ATXN7L3: variants seen among roughly 807,000 people sequenced by gnomAD.
ATXN7L3 encodes the protein ataxin 7 like 3.
ATXN7L3 carries 6 observed loss-of-function variants against 50.0 expected under a neutral mutation model. The ratio of observed to expected loss-of-function variants is 0.12; its 90% CI spans 0.07 to 0.24. The LOEUF (loss-of-function observed/expected upper bound fraction) is 0.24, where lower values mean the gene tolerates loss of function less well. Ranked by LOEUF, ATXN7L3 falls within the 10% of genes least tolerant of loss-of-function variation. The probability of loss-of-function intolerance (pLI) is 1.00; values close to 1 mark genes in which losing one functional copy is unlikely to be tolerated. For missense variants in ATXN7L3, 322 were observed against 451.3 expected (o/e 0.71, Z 2.60); for synonymous variants, 198 against 165.8 (o/e 1.19, Z -1.49).
Position 44,194,758 on chromosome 17 carries a change from G to T in ATXN7L3, c.737+10C>A. Reference sequence around the variant, plus strand: ...TCACAACCCCCCACCCTTCCTGTAGGGCCACTTACGCCGAGGGCCCGAGAA... The same window carrying T: ...TCACAACCCCCCACCCTTCCTGTAGTGCCACTTACGCCGAGGGCCCGAGAA... On this transcript the variant is annotated intron_variant, in intron 11 of 12. Transcript: ENST00000587097. 1 of 1,614,094 alleles carries T rather than the reference G, an allele frequency of 6.2e-7. No individual in the cohort carries two copies. Among genetic ancestry groups the T allele is most frequent in the Non-Finnish European group, 8.5e-7 (1 of 1,179,982 alleles).
rs2055865891 is a variant in ATXN7L3, at chr17:44,195,800, C to T, written c.552G>A (p.Lys184=). ...AGCATGAGGGGCGGCCCATACTCAC[C>T]TTAAAAGGATCCGAATTGCTAAGTT... ...NGELSNSDPF[K]YNNSTGISYE... is the part of the protein sequence containing the mutation. The change falls in exon 8 of 13, where the codon AAG becomes AAA. Residue 184 remains lysine, a splice_region_variant and synonymous_variant. Transcript: ENST00000587097. 2.5e-6 allele frequency: 4 copies of T among 1,609,458 alleles called. No individual in the cohort carries two copies. In the African/African-American group the frequency reaches 4.0e-5, roughly 16 times the overall value.
rs944868983 is a variant in ATXN7L3 at position 44,197,922 on chromosome 17, G to A, written c.51+98C>T. 34 of 1,534,242 alleles carry A rather than the reference G, an allele frequency of 2.2e-5. 1 individual carries two copies. The East Asian group carries it at 4.9e-4, about 22-fold the overall frequency. On this transcript the variant is annotated intron_variant, in intron 2 of 12. Coordinates refer to ENST00000587097, the MANE Select transcript of ATXN7L3 (RefSeq NM_001382309.1). Reference sequence around the variant, plus strand: ...GCTGGCTATTCCCTTTAAGGAACAAGGCTGACTACCCAAATTCCTCTTTGG... The same window carrying A: ...GCTGGCTATTCCCTTTAAGGAACAAAGCTGACTACCCAAATTCCTCTTTGG...
intron 6 of ATXN7L3, 138 bp from the exon 7 acceptor site, chr17:44,196,217 C>T (rs1456931415): frequency 1.1e-5 from 13 of 1,140,846 alleles, no homozygotes; most frequent in Non-Finnish European, 1.4e-5. Context: ...CCTGTCTACC[C>T]ATGTGCCCTC....
Position 44,194,116 on chromosome 17 carries a change from G to T in ATXN7L3, c.*147C>A. ...CAGAGGACTTTGACACCCCCCAGGG[G>T]CGCATAATCGGATCCTCTGCCTGCC... is the stretch of plus-strand genomic sequence containing the variant. On this transcript the variant is annotated 3_prime_UTR_variant, in exon 13 of 13. Transcript: ENST00000587097. 1 of 1,053,156 alleles carries T rather than the reference G, an allele frequency of 9.5e-7. No individual in the cohort carries two copies. The highest frequency in any genetic ancestry group is 1.4e-6 in the Non-Finnish European group (1 of 725,140). 65.2% of individuals were successfully genotyped at this position (1,053,156 alleles called of 1,614,324 possible).
intron 1 of ATXN7L3, chr17:44,199,191 G>A (rs2056046268): frequency 6.6e-6 from 1 of 151,400 alleles, no homozygotes; most frequent in African/African-American, 2.4e-5. Context: ...CGGCCGGGGA[G>A]AGGAGTCCGG....
chr17:44,194,861 G>C (rs1209266680), intron 10 of ATXN7L3, 22 bp from the exon 11 acceptor site: 2 of 1,613,132 alleles, frequency 1.2e-6, no homozygotes, highest in Admixed American at 3.3e-5. Context: ...GCAAGGCAGG[G>C]AGGGTTCTGA....
rs757647507 is a variant in ATXN7L3 at position 44,194,785 on chromosome 17, A to G, written c.720T>C (p.Tyr240=). Residue 240 remains tyrosine (Y), a synonymous_variant, in exon 11 of 13, where the codon TAT becomes TAC. Transcript: ENST00000587097. ...TDEQRRTVRI[Y]FLGPSAVLPE... ...CCACTTACGCCGAGGGCCCGAGAAA[A>G]TAAATCCGTACGGTTCGCCTCTGCT... 5 of 1,614,160 alleles carry G rather than the reference A, an allele frequency of 3.1e-6. No homozygotes were observed. In the Admixed American group the frequency reaches 5.0e-5, roughly 16 times the overall value.
At position 44,192,372 on chromosome 17, in the gene ATXN7L3, TCTC is replaced by T. The variant is rs2055720936; in HGVS notation, c.*1888_*1890del. On this transcript the variant is annotated 3_prime_UTR_variant, in exon 13 of 13. Coordinates refer to ENST00000587097, the MANE Select transcript of ATXN7L3 (RefSeq NM_001382309.1). ...ACCAGTTCCCAAGCTACTTCCCACT[TCTC>T]CCTCCTCCAACCAGAAGGGGGGAAA... 6.6e-6 allele frequency: 1 copy of T among 152,220 alleles called. No homozygotes were observed. 9.4% of individuals were successfully genotyped at this position (152,220 alleles called of 1,614,324 possible).
At position 44,194,581 on chromosome 17, in the gene ATXN7L3, G is replaced by A; in HGVS notation, c.831C>T (p.Ser277=). ...ALISRLQWDG[S]SDLSPSDSGS... is the part of the protein sequence containing the mutation. ...CTGAATCAGAGGGTGAGAGGTCAGA[G>A]GAGCCGTCCCACTGAAGCCGGCTGA... The change falls in exon 12 of 13, where the codon TCC becomes TCT. Residue 277 remains serine (S), a synonymous_variant. Coordinates refer to ENST00000587097, the MANE Select transcript of ATXN7L3 (RefSeq NM_001382309.1). 2.5e-6 allele frequency: 4 copies of A among 1,613,852 alleles called. No individual in the cohort carries two copies. The highest frequency in any genetic ancestry group is 3.4e-6 in the Non-Finnish European group (4 of 1,179,988).
Position 44,194,298 on chromosome 17 carries a change from G to C in ATXN7L3, c.1009C>G (p.Pro337Ala). The change falls in exon 13 of 13, where the codon CCC becomes GCC. Residue 337 changes from proline (P) to alanine (A), a missense_variant. Pro to Ala is a conservative substitution (Grantham distance 27). Coordinates refer to ENST00000587097, the MANE Select transcript of ATXN7L3 (RefSeq NM_001382309.1). Reference protein sequence around the residue: ...NKKKKPKPPAPPTPSIYDDIN With the variant: ...NKKKKPKPPAAPTPSIYDDIN ...TCATCATAGATGCTGGGCGTCGGGG[G>C]TGCCGGTGGCTTTGGCTTCTTCTTC... is the stretch of plus-strand genomic sequence containing the variant. The C allele has an allele frequency of 6.2e-7, 1 of 1,614,222 alleles. No individual in the cohort carries two copies.
At chr17:44,196,543 G>A (rs1485150637) in intron 5 of ATXN7L3, 125 bp from the exon 6 acceptor site, 2 of 1,191,004 alleles carry the variant, frequency 1.7e-6, no homozygotes, top group South Asian at 1.3e-5. Context: ...ACTTTGGGAG[G>A]CCCAGGCGGG....
At chr17:44,196,605 C>T (rs1487608684) in intron 5 of ATXN7L3, among the ~76,000 whole-genome samples, 187 bp from the exon 6 acceptor site, 2 of 151,656 alleles carry the variant, frequency 1.3e-5, no homozygotes, top group Non-Finnish European at 2.9e-5. Context: ...TGGTGAAACC[C>T]CATCTCTACT....
At chr17:44,195,397 T>C in intron 9 of ATXN7L3, 22 bp downstream of exon 9, 1 of 1,611,030 alleles carries the variant, frequency 6.2e-7, no homozygotes, top group Non-Finnish European at 8.5e-7. Flanking sequence ...AGGGACCTTC[T>C]CTCTTGCTGG....
At chr17:44,196,878 G>T in intron 5 of ATXN7L3, 51 bp downstream of exon 5, 1 of 1,372,620 alleles carries the variant, frequency 7.3e-7, no homozygotes, top group Non-Finnish European at 1.0e-6. Context: ...CCCAATTCCT[G>T]CTTCCCACCT....
In ATXN7L3 at chr17:44,196,377, T is replaced by C. The variant is rs1469529810; in HGVS notation, c.477+19A>G. The stretch of plus-strand genomic sequence containing the variant: ...TGTCCTTTACCCATTATTTCCCCAA[T>C]GCCTGGCCCGGCTCTCACCTTGTCT... On this transcript the variant is annotated intron_variant, in intron 6 of 12. Coordinates refer to ENST00000587097, the MANE Select transcript of ATXN7L3 (RefSeq NM_001382309.1). The C allele has an allele frequency of 1.2e-5, 19 of 1,613,872 alleles. 1 individual carries two copies. The highest frequency in any genetic ancestry group is 1.7e-4 in the Middle Eastern group (1 of 6,060).
Position 44,194,425 on chromosome 17 carries a change from G to A in ATXN7L3, c.896-14C>T. 6.2e-7 allele frequency: 1 copy of A among 1,613,992 alleles called. No individual in the cohort carries two copies. The highest frequency in any genetic ancestry group is 8.5e-7 in the Non-Finnish European group (1 of 1,179,988). ...AGCTGTTGGTACCTGTAGAGAAAGAGACACAAGGGATGAGAGTATGGTTAT... is the reference window on the plus strand; with the variant it reads ...AGCTGTTGGTACCTGTAGAGAAAGAAACACAAGGGATGAGAGTATGGTTAT... On this transcript the variant is annotated splice_polypyrimidine_tract_variant and intron_variant, in intron 12 of 12. Transcript: ENST00000587097.
intron 11 of ATXN7L3, 37 bp downstream of exon 11, chr17:44,194,731 G>A (rs1259475727): frequency 1.2e-6 from 2 of 1,613,682 alleles, no homozygotes; most frequent in Non-Finnish European, 1.7e-6. Flanking sequence ...CGCCCTAACT[G>A]GTCACAACCC....
chr17:44,199,203 AGGGTG>A (rs2056047530), intron 1 of ATXN7L3: 1 of 149,686 alleles, frequency 6.7e-6, no homozygotes, highest in South Asian at 2.1e-4. Flanking sequence ...GGAGTCCGGG[AGGGTG>A]TCTCTATTGT....
chr17:44,196,226 T>TCCCCCCCCCCCCCTCTCCCC, intron 6 of ATXN7L3, 147 bp from the exon 7 acceptor site: 1 of 737,704 alleles, frequency 1.4e-6, no homozygotes, highest in East Asian at 3.0e-5. Flanking sequence ...CCATGTGCCC[T>TCCCCCCCCCCCCCTCTCCCC]CCCCCACCCC....
Sources: allele counts gnomAD v4.1 joint callset (sites outside exome capture counted in the v4.1 genomes callset), GRCh38; gene constraint gnomAD v4.1.1; transcripts MANE v1.5; gene names NCBI Gene and HGNC (gene_info 2026-07-23, HGNC 2026-07-21).